AXDND1: variants seen among roughly 807,000 people sequenced by gnomAD.
The protein encoded by AXDND1 is axonemal dynein light chain domain-containing protein 1.
AXDND1 carries 110 observed loss-of-function variants against 137.5 expected under a neutral mutation model. The observed-to-expected ratio is 0.80, with a 90% CI of 0.69 to 0.94. AXDND1 has a LOEUF of 0.94. Among genes scored for constraint, AXDND1 ranks in the 40% least tolerant of loss-of-function variants. The pLI is 0.00. For missense variants in AXDND1, 1,191 were observed against 1,169.8 expected, an observed-to-expected ratio of 1.02 and a Z score of -0.26; for synonymous variants, 414 against 399.7, an observed-to-expected ratio of 1.04 and a Z score of -0.43.
intron 12 of AXDND1, among the ~76,000 whole-genome samples, chr1:179,412,030 T>C (rs1453400091): frequency 6.6e-6 from 1 of 152,136 alleles, no homozygotes; most frequent in Non-Finnish European, 1.5e-5. Context: ...TTTTAATTTT[T>C]TGTAGAGATG....
rs772723024 is a variant in AXDND1, at chr1:179,525,346, G to T, written c.2509G>T (p.Glu837Ter). The T allele has an allele frequency of 6.2e-7, 1 of 1,610,826 alleles. No individual in the cohort carries two copies. The highest frequency in any genetic ancestry group is 1.7e-5 in the Admixed American group (1 of 59,750). Residue 837 changes from glutamate to a stop codon, truncating the protein, a stop_gained, in exon 22 of 26, where the codon GAA becomes TAA. Transcript: ENST00000367618. LOFTEE classifies it high-confidence loss of function. Reference sequence around the variant, plus strand: ...GTTCATCTCACAGGAGGCTGTAAAAGAATTCATTGAGCCTGAAATAGACGA... The same window carrying T: ...GTTCATCTCACAGGAGGCTGTAAAATAATTCATTGAGCCTGAAATAGACGA... ...ERLLEEEAVK[E>*]FIEPEIDESF...
chr1:179,509,100 A>C (rs1331576688), intron 20 of AXDND1, among the ~76,000 whole-genome samples, 196 bp from the exon 21 acceptor site: 1 of 152,182 alleles, frequency 6.6e-6, no homozygotes, highest in Non-Finnish European at 1.5e-5. Flanking sequence ...CAGATCCCAC[A>C]CCGTGTCAAT....
intron 4 of AXDND1, among the ~76,000 whole-genome samples, chr1:179,376,477 T>C (rs1475329371): frequency 6.6e-6 from 1 of 152,152 alleles, no homozygotes; most frequent in African/African-American, 2.4e-5. Context: ...TGTTCAAGGG[T>C]CAACTATACT....
At position 179,445,199 on chromosome 1, in the gene AXDND1, A is replaced by G. The variant is rs145068225; in HGVS notation, c.1793A>G (p.Asp598Gly). 93 of 1,545,680 alleles carry G rather than the reference A, an allele frequency of 6.0e-5. 3 individuals carry two copies. The Middle Eastern group carries it at 3.7e-3, about 62-fold the overall frequency. ...YKEYEIRINGDNGYSKILPSL... is the reference protein window; with the variant it reads ...YKEYEIRINGGNGYSKILPSL... ...GAATATGAAATAAGAATAAATGGGG[A>G]CAATGGTAAGAAAATACTCATAATA... Residue 598 changes from aspartate (D) to glycine (G), a missense_variant, in exon 16 of 26, where the codon GAC becomes GGC. Coordinates refer to ENST00000367618, the MANE Select transcript of AXDND1 (RefSeq NM_144696.6).
chr1:179,546,922 G>A (rs1442606670), intron 25 of AXDND1, among the ~76,000 whole-genome samples: 6 of 152,256 alleles, frequency 3.9e-5, no homozygotes, highest in East Asian at 1.9e-4. Context: ...CTATGGTCAG[G>A]TCACTTGTCT....
At chr1:179,389,136 G>A (rs907725753) in intron 9 of AXDND1, among the ~76,000 whole-genome samples, 17 of 151,962 alleles carry the variant, frequency 1.1e-4, no homozygotes, top group Non-Finnish European at 1.0e-4. Flanking sequence ...ACCATGCCTG[G>A]CTAATTTTGC....
rs372007785 is a variant in AXDND1 at position 179,553,388 on chromosome 1, TG to T, written c.3032-1122del. Among the ~76,000 whole-genome samples, 881 of 152,324 alleles carry T rather than the reference TG, an allele frequency of 5.8e-3. 8 individuals are homozygous for T. Among genetic ancestry groups the T allele is most frequent in the Non-Finnish European group, 8.0e-3 (543 of 68,012 alleles). Reference sequence around the variant, plus strand: ...CATCAGCTGATGAACCAATAAAATGTGGTATAGCCTCACAATGAAATATTAT... The same window carrying T: ...CATCAGCTGATGAACCAATAAAATGTGTATAGCCTCACAATGAAATATTAT... On this transcript the variant is annotated intron_variant, in intron 25 of 25. Coordinates refer to ENST00000367618, the MANE Select transcript of AXDND1 (RefSeq NM_144696.6).
intron 12 of AXDND1, among the ~76,000 whole-genome samples, chr1:179,421,884 A>C (rs1416510921): frequency 1.6e-4 from 24 of 151,818 alleles, no homozygotes; most frequent in African/African-American, 4.8e-4. Flanking sequence ...CTAAAAATAC[A>C]AAAAAATTAG....
At chr1:179,476,989 G>A (rs1664718180) in intron 17 of AXDND1, among the ~76,000 whole-genome samples, 1 of 151,984 alleles carries the variant, frequency 6.6e-6, no homozygotes, top group African/African-American at 2.4e-5. Flanking sequence ...ATGTAAGGGT[G>A]TCCCATATTT....
intron 20 of AXDND1, among the ~76,000 whole-genome samples, chr1:179,506,147 A>AT (rs908653536): frequency 3.4e-4 from 51 of 150,530 alleles, no homozygotes; most frequent in East Asian, 2.1e-3. Context: ...AGCTAGATGG[A>AT]TTTTTTTTTT....
intron 18 of AXDND1, among the ~76,000 whole-genome samples, chr1:179,487,640 G>A (rs898374764): frequency 2.7e-5 from 4 of 148,398 alleles, no homozygotes; most frequent in East Asian, 1.9e-4. Flanking sequence ...TGATAGCTCA[G>A]AAAGAAACAT....
In AXDND1 at chr1:179,378,773, GACAAAT is replaced by G. The variant is rs1647722497; in HGVS notation, c.495+18_495+23del. ...GCCCCATAAGGTAAATAAAGTATTT[GACAAAT>G]AATCTTCTCTCCCTCTGTCTACTTT... On this transcript the variant is annotated intron_variant, in intron 5 of 25. Transcript: ENST00000367618. 1 of 1,481,492 alleles carries G rather than the reference GACAAAT, an allele frequency of 6.7e-7. No homozygotes were observed. Among genetic ancestry groups the G allele is most frequent in the Non-Finnish European group, 9.0e-7 (1 of 1,111,118 alleles). 91.8% of individuals were successfully genotyped at this position (1,481,492 alleles called of 1,614,324 possible).
At chr1:179,473,498 C>CA (rs900647039) in intron 17 of AXDND1, among the ~76,000 whole-genome samples, 14 of 150,410 alleles carry the variant, frequency 9.3e-5, no homozygotes, top group Middle Eastern at 3.4e-3. Context: ...AACTCTGTCT[C>CA]AAAAAAAAAG....
intron 17 of AXDND1, among the ~76,000 whole-genome samples, chr1:179,469,060 G>T (rs1159916623): frequency 1.3e-5 from 2 of 152,072 alleles, no homozygotes; most frequent in African/African-American, 4.8e-5. Flanking sequence ...CTCCTGAGTA[G>T]CTGGGACTAC....
At position 179,491,744 on chromosome 1, in the gene AXDND1, C is replaced by A; in HGVS notation, c.2291+7C>A. ...ACTCCAGCTATTTGAGCAGGTGAAG[C>A]GGTTATTTTATTGTTGCCCTTTTGA... On this transcript the variant is annotated splice_region_variant and intron_variant, in intron 19 of 25. Transcript: ENST00000367618. 2 of 1,529,426 alleles carry A rather than the reference C, an allele frequency of 1.3e-6. No individual in the cohort carries two copies. The highest frequency in any genetic ancestry group is 1.8e-6 in the Non-Finnish European group (2 of 1,141,520). The allele number at this position is 1,529,426 out of a possible 1,614,324, so 94.7% of individuals were successfully genotyped here.
chr1:179,428,640 A>G (rs1018004754), intron 12 of AXDND1, among the ~76,000 whole-genome samples: 4 of 152,214 alleles, frequency 2.6e-5, no homozygotes, highest in African/African-American at 9.6e-5. Context: ...TCATTCTTTT[A>G]TTAAGAGTAT....
intron 25 of AXDND1, among the ~76,000 whole-genome samples, chr1:179,552,859 T>C (rs181851700): frequency 1.2e-3 from 188 of 152,356 alleles, no homozygotes; most frequent in Non-Finnish European, 2.0e-3. Flanking sequence ...CCAAGGTCGA[T>C]GCCTCAAATG....
chr1:179,417,249 C>T (rs910449350), intron 12 of AXDND1, among the ~76,000 whole-genome samples: 1 of 151,482 alleles, frequency 6.6e-6, no homozygotes, highest in Non-Finnish European at 1.5e-5. Flanking sequence ...GTTGTAACTC[C>T]CTTATCAGAT....
At chr1:179,376,131 G>T (rs1012619581) in intron 4 of AXDND1, among the ~76,000 whole-genome samples, 5 of 152,028 alleles carry the variant, frequency 3.3e-5, no homozygotes, top group Admixed American at 6.6e-5. Flanking sequence ...GCTTCTCTTA[G>T]ACTAAAGCCC....
Sources: allele counts gnomAD v4.1 joint callset (sites outside exome capture counted in the v4.1 genomes callset), GRCh38; gene constraint gnomAD v4.1.1; transcripts MANE v1.5; gene names NCBI Gene and HGNC (gene_info 2026-07-23, HGNC 2026-07-21).